CNKSR3: variants seen among roughly 807,000 people sequenced by gnomAD.
The protein encoded by CNKSR3 is connector enhancer of kinase suppressor of ras 3.
CNKSR3 carries 36 observed loss-of-function variants against 67.7 expected under a neutral mutation model. That is an observed-to-expected ratio of 0.53 (90% CI 0.41 to 0.70). The LOEUF (loss-of-function observed/expected upper bound fraction) is 0.70. CNKSR3 is among the 30% of genes least tolerant of loss of function. The pLI is 0.00. For synonymous variants in CNKSR3, 281 were observed against 271.4 expected, an observed-to-expected ratio of 1.04 and a Z score of -0.35; for missense variants, 630 against 695.2, an observed-to-expected ratio of 0.91 and a Z score of 1.05.
At chr6:154,438,922 C>G (rs141182714) in intron 4 of CNKSR3, among the ~76,000 whole-genome samples, 40 of 152,286 alleles carry the variant, frequency 2.6e-4, no homozygotes, top group African/African-American at 9.4e-4. Flanking sequence ...CTGATGTGAC[C>G]AGGACATGTA....
intron 1 of CNKSR3, among the ~76,000 whole-genome samples, chr6:154,482,150 G>A (rs1302423818): frequency 1.3e-5 from 2 of 152,154 alleles, no homozygotes; most frequent in Non-Finnish European, 2.9e-5. Flanking sequence ...ACAAACTTCG[G>A]AGAAAGATAC....
chr6:154,410,191 C>T (rs1784878562), intron 12 of CNKSR3, 152 bp downstream of exon 12: 1 of 563,774 alleles, frequency 1.8e-6, no homozygotes. Flanking sequence ...AGATCTTCAG[C>T]AGTCCTAATT....
At position 154,398,642 on chromosome 6, in the gene CNKSR3, T is replaced by C. The variant is rs1784685358; in HGVS notation, c.*7712A>G. 6.6e-6 allele frequency: 1 copy of C among 152,212 alleles called. No homozygotes were observed. The highest frequency in any genetic ancestry group is 6.5e-5 in the Admixed American group (1 of 15,272). The allele number at this position is 152,212 out of a possible 1,614,324, so 9.4% of individuals were successfully genotyped here. A position where few individuals can be genotyped will look rare whatever the true frequency, so the allele number is the denominator to read the frequency against. Reference sequence around the variant, plus strand: ...GAGTTTGAGGAATACCACTTCAAGATGGGAATGGGAGGCAAAAATAATTCA... The same window carrying C: ...GAGTTTGAGGAATACCACTTCAAGACGGGAATGGGAGGCAAAAATAATTCA... On this transcript the variant is annotated 3_prime_UTR_variant, in exon 13 of 13. Coordinates refer to ENST00000607772, the MANE Select transcript of CNKSR3 (RefSeq NM_173515.4).
chr6:154,478,766 T>C (rs888790460), intron 1 of CNKSR3, among the ~76,000 whole-genome samples: 2 of 152,232 alleles, frequency 1.3e-5, no homozygotes, highest in African/African-American at 4.8e-5. Context: ...TTTTGGGTTC[T>C]TCCCCCTGTA....
In CNKSR3 at chr6:154,391,256, C is replaced by CG. The variant is rs1784603436; in HGVS notation, c.*15097dup. ...AATCACTTTTTTTCTTTTTTTGAGA[C>CG]GGGGTCTCACTCTGTCACCCAGGCT... On this transcript the variant is annotated 3_prime_UTR_variant, in exon 13 of 13. Coordinates refer to ENST00000607772, the MANE Select transcript of CNKSR3 (RefSeq NM_173515.4). The CG allele has an allele frequency of 6.7e-6, 1 of 149,248 alleles. No individual in the cohort carries two copies. Among genetic ancestry groups the CG allele is most frequent in the Non-Finnish European group, 1.5e-5 (1 of 67,232 alleles). The allele number at this position is 149,248 out of a possible 1,614,324, so 9.2% of individuals were successfully genotyped here. A position where few individuals can be genotyped will look rare whatever the true frequency, so the allele number is the denominator to read the frequency against.
chr6:154,485,252 A>C (rs193292717), intron 1 of CNKSR3, among the ~76,000 whole-genome samples: 2 of 152,364 alleles, frequency 1.3e-5, no homozygotes, highest in African/African-American at 4.8e-5. Context: ...TCTTTTGAAA[A>C]GTACTACTCA....
chr6:154,404,226 G>A lies in CNKSR3; in HGVS notation c.*2128C>T, dbSNP rs1784748183. ...CTTTTTGTTTTTTTTTTGAGACAGA[G>A]TCTCCTTCTGTCACCCAGGCTGGAG... On this transcript the variant is annotated 3_prime_UTR_variant, in exon 13 of 13. Transcript: ENST00000607772. 1 of 152,094 alleles carries A rather than the reference G, an allele frequency of 6.6e-6. No homozygotes were observed. 9.4% of individuals were successfully genotyped at this position (152,094 alleles called of 1,614,324 possible).
In CNKSR3 at chr6:154,427,128, C is replaced by G. The variant is rs80000359; in HGVS notation, c.729+1000G>C. On this transcript the variant is annotated intron_variant, in intron 7 of 12. Transcript: ENST00000607772. ...CTGAAACACACTACCATTTCCTACC[C>G]ATTCATCTGCCAGAACCATGCAATG... Among the ~76,000 whole-genome samples, 592 of 152,330 alleles carry G rather than the reference C, an allele frequency of 3.9e-3. 1 individual carries two copies. Among genetic ancestry groups the G allele is most frequent in the Middle Eastern group, 0.01 (3 of 294 alleles).
chr6:154,507,369 G>A (rs554961088), intron 1 of CNKSR3, among the ~76,000 whole-genome samples: 11 of 152,208 alleles, frequency 7.2e-5, no homozygotes, highest in Non-Finnish European at 1.3e-4. Context: ...TCTCATAATC[G>A]CCCTACCCAG....
chr6:154,492,755 A>AC (rs1182954089), intron 1 of CNKSR3, among the ~76,000 whole-genome samples: 29 of 150,968 alleles, frequency 1.9e-4, no homozygotes, highest in African/African-American at 3.4e-4. Context: ...CAAAAAAAAA[A>AC]AAACAAAAAA....
chr6:154,449,973 T>A, intron 2 of CNKSR3, 122 bp downstream of exon 2: 2 of 972,746 alleles, frequency 2.1e-6, no homozygotes, highest in Non-Finnish European at 3.0e-6. Flanking sequence ...CTTCAGCTCA[T>A]GTTTTATTTT....
intron 9 of CNKSR3, among the ~76,000 whole-genome samples, chr6:154,416,003 C>T (rs73011466): frequency 1.3e-5 from 2 of 152,044 alleles, no homozygotes; most frequent in African/African-American, 2.4e-5. Flanking sequence ...TTAGGCCCAG[C>T]GTGTGGGCAC....
At chr6:154,487,066 C>G (rs1786689606) in intron 1 of CNKSR3, among the ~76,000 whole-genome samples, 1 of 152,202 alleles carries the variant, frequency 6.6e-6, no homozygotes. Flanking sequence ...CACGTGCCAC[C>G]ACACCCAGCT....
chr6:154,447,699 C>T (rs1331801334), intron 2 of CNKSR3, among the ~76,000 whole-genome samples: 1 of 152,060 alleles, frequency 6.6e-6, no homozygotes, highest in Admixed American at 6.6e-5. Context: ...TTGTTTCTCC[C>T]CTCCCCCTTC....
At chr6:154,475,850 A>G (rs1392148062) in intron 1 of CNKSR3, among the ~76,000 whole-genome samples, 1 of 151,728 alleles carries the variant, frequency 6.6e-6, no homozygotes, top group Non-Finnish European at 1.5e-5. Flanking sequence ...CGACCAATAA[A>G]TAACCACCAT....
At position 154,413,314 on chromosome 6, in the gene CNKSR3, C is replaced by T. The variant is rs1053887481; in HGVS notation, c.1070+985G>A. 4.6e-5 allele frequency among the ~76,000 whole-genome samples: 7 copies of T among 152,090 alleles called. No homozygotes were observed. In the East Asian group the frequency reaches 5.8e-4, roughly 13 times the overall value. The stretch of plus-strand genomic sequence containing the variant: ...ATCATGGTGTATTGTACTGCAGCCT[C>T]GACCTCCTGGGCTCCAGTGATCCTA... On this transcript the variant is annotated intron_variant, in intron 10 of 12. Transcript: ENST00000607772.
In CNKSR3 at chr6:154,414,385, G is replaced by C. The variant is rs1388053118; in HGVS notation, c.984C>G (p.Ser328Arg). ...PPPATTQSPE[S>R]TMDTSLKKEK... ...CCTTCTTCAGTGAGGTATCCATAGTGCTTTCAGGGGACTGGGTTGTCGCGG... is the reference window on the plus strand; with the variant it reads ...CCTTCTTCAGTGAGGTATCCATAGTCCTTTCAGGGGACTGGGTTGTCGCGG... Residue 328 changes from serine (S) to arginine (R), a missense_variant, in exon 10 of 13, where the codon AGC (serine) becomes AGG (arginine). By Grantham distance (110) the Ser-to-Arg change is moderately radical. Transcript: ENST00000607772. 1 of 1,608,470 alleles carries C rather than the reference G, an allele frequency of 6.2e-7. No individual in the cohort carries two copies. The highest frequency in any genetic ancestry group is 8.5e-7 in the Non-Finnish European group (1 of 1,178,344).
In CNKSR3 at chr6:154,510,047, C is replaced by A. The variant is rs747618793; in HGVS notation, c.52+16G>T. On this transcript the variant is annotated intron_variant, in intron 1 of 12. Coordinates refer to ENST00000607772, the MANE Select transcript of CNKSR3 (RefSeq NM_173515.4). ...CCGAGGCTGGAGGACTCCGGACCCC[C>A]CCAAGGCCCGCGCACCTCTAGTCCA... 6 of 1,613,944 alleles carry A rather than the reference C, an allele frequency of 3.7e-6. No individual in the cohort carries two copies. In the African/African-American group the frequency reaches 4.0e-5, roughly 11 times the overall value.
chr6:154,423,478 G>A (rs569562289), intron 7 of CNKSR3, among the ~76,000 whole-genome samples: 20 of 152,124 alleles, frequency 1.3e-4, no homozygotes, highest in South Asian at 4.2e-4. Context: ...GGCTGGTCTC[G>A]AACTCCCAAC....
Sources: gnomAD v4.1 joint callset for allele counts (sites outside exome capture counted in the v4.1 genomes callset) on GRCh38, gnomAD v4.1.1 for gene constraint, MANE v1.5 for transcripts, NCBI Gene and HGNC (gene_info 2026-07-23, HGNC 2026-07-21) for gene names.